Variants in PCED1B observed in about 807,000 individuals in gnomAD.
The protein encoded by PCED1B is PC-esterase domain-containing protein 1B.
For synonymous variants in PCED1B, 251 were observed against 246.1 expected (o/e 1.02, Z -0.19); for missense variants, 573 against 573.9 (o/e 1.00, Z 0.02).
At chr12:47,113,167 C>A in intron 2 of PCED1B, among the ~76,000 whole-genome samples, 1 of 152,068 alleles carries the variant, frequency 6.6e-6, no homozygotes, top group East Asian at 1.9e-4. Context: ...AGTCCCTGTT[C>A]TAAAGAAGTA....
At chr12:47,192,097 A>T (rs1942458930) in intron 2 of PCED1B, among the ~76,000 whole-genome samples, 1 of 151,114 alleles carries the variant, frequency 6.6e-6, no homozygotes, top group African/African-American at 2.4e-5. Flanking sequence ...TTGTTCTAGA[A>T]TTACTGTTTT....
intron 2 of PCED1B, among the ~76,000 whole-genome samples, chr12:47,198,157 C>T (rs1555150391): frequency 6.6e-6 from 1 of 152,086 alleles, no homozygotes; most frequent in Non-Finnish European, 1.5e-5. Context: ...AAAATATTAA[C>T]AAATGAAATC....
intron 2 of PCED1B, among the ~76,000 whole-genome samples, chr12:47,162,728 T>G (rs896489881): frequency 1.3e-5 from 2 of 152,122 alleles, no homozygotes; most frequent in African/African-American, 4.8e-5. Context: ...AAGAACGCAC[T>G]CATTACTGCA....
intron 2 of PCED1B, among the ~76,000 whole-genome samples, chr12:47,180,328 A>G (rs984370268): frequency 2.6e-5 from 4 of 152,202 alleles, no homozygotes; most frequent in East Asian, 1.9e-4. Flanking sequence ...CACACCTACA[A>G]CCATCTGATC....
chr12:47,176,532 C>T (rs1332871203), intron 2 of PCED1B, among the ~76,000 whole-genome samples: 2 of 152,226 alleles, frequency 1.3e-5, no homozygotes, highest in Admixed American at 1.3e-4. Context: ...ACGCCGCATG[C>T]CCCGTACCTT....
chr12:47,107,849 T>C (rs1343573327), intron 2 of PCED1B, among the ~76,000 whole-genome samples: 4 of 152,174 alleles, frequency 2.6e-5, no homozygotes, highest in Non-Finnish European at 5.9e-5. Flanking sequence ...AAACTTCTCT[T>C]TTACATCAGG....
chr12:47,131,093 T>C (rs1940105913), intron 2 of PCED1B, among the ~76,000 whole-genome samples: 1 of 152,192 alleles, frequency 6.6e-6, no homozygotes, highest in Non-Finnish European at 1.5e-5. Flanking sequence ...TGAATTTGAG[T>C]TACTTTTATA....
intron 2 of PCED1B, among the ~76,000 whole-genome samples, chr12:47,111,613 C>A (rs1393329706): frequency 6.6e-6 from 1 of 152,112 alleles, no homozygotes; most frequent in Admixed American, 6.6e-5. Context: ...CAACCCCTGG[C>A]AACCACATTT....
At position 47,196,361 on chromosome 12, in the gene PCED1B, T is replaced by C. The variant is rs78421681; in HGVS notation, c.-525-19861T>C. Among the ~76,000 whole-genome samples, 222 of 152,306 alleles carry C rather than the reference T, an allele frequency of 1.5e-3. 2 individuals are homozygous for C. In the East Asian group the frequency reaches 0.021, roughly 15 times the overall value. ...ATTTGTGCCTCAGTTTTCTGATCCATAAAATGGAGATAATAGTACCTAACT... is the reference window on the plus strand; with the variant it reads ...ATTTGTGCCTCAGTTTTCTGATCCACAAAATGGAGATAATAGTACCTAACT... On this transcript the variant is annotated intron_variant, in intron 2 of 3. Coordinates refer to ENST00000546455, the MANE Select transcript of PCED1B (RefSeq NM_138371.3).
chr12:47,095,527 A>G (rs1465597540), intron 1 of PCED1B, among the ~76,000 whole-genome samples: 1 of 151,932 alleles, frequency 6.6e-6, no homozygotes, highest in Non-Finnish European at 1.5e-5. Flanking sequence ...CCTTTTTGGA[A>G]CTCCAATTAT....
At chr12:47,095,374 T>G (rs60139634) in intron 1 of PCED1B, among the ~76,000 whole-genome samples, 5,288 of 152,208 alleles carry the variant, frequency 0.035, 247 homozygotes, top group African/African-American at 0.11. Context: ...TTATGATTTT[T>G]CTCTTTATCT....
chr12:47,153,312 T>G (rs575790665), intron 2 of PCED1B, among the ~76,000 whole-genome samples: 1 of 137,640 alleles, frequency 7.3e-6, no homozygotes. Flanking sequence ...ATTGCACCAC[T>G]GCACTCCAAC....
intron 2 of PCED1B, among the ~76,000 whole-genome samples, chr12:47,149,073 C>G (rs1940897144): frequency 6.6e-6 from 1 of 152,216 alleles, no homozygotes; most frequent in South Asian, 2.1e-4. Context: ...ATTAGCCTAA[C>G]AATCCCTTTG....
intron 2 of PCED1B, among the ~76,000 whole-genome samples, chr12:47,153,305 G>GC (rs1169314265): frequency 1.5e-5 from 2 of 136,734 alleles, no homozygotes; most frequent in African/African-American, 5.6e-5. Flanking sequence ...AGCAGAGATT[G>GC]CACCACTGCA....
At chr12:47,094,938 G>C (rs1488802873) in intron 1 of PCED1B, among the ~76,000 whole-genome samples, 2 of 137,836 alleles carry the variant, frequency 1.5e-5, no homozygotes, top group South Asian at 4.5e-4. Context: ...GGTGTCTCAC[G>C]TTTTGTCACA....
chr12:47,117,205 T>G (rs2137288376), intron 2 of PCED1B, among the ~76,000 whole-genome samples: 1 of 152,332 alleles, frequency 6.6e-6, no homozygotes, highest in Non-Finnish European at 1.5e-5. Context: ...TTCATTCATT[T>G]TTTTTATTAT....
intron 2 of PCED1B, among the ~76,000 whole-genome samples, chr12:47,214,990 G>A (rs1468519769): frequency 1.3e-5 from 2 of 151,992 alleles, no homozygotes; most frequent in Admixed American, 6.6e-5. Flanking sequence ...GGGTTGAAGC[G>A]ATTCTCCTGC....
rs145241408 is a variant in PCED1B at position 47,084,672 on chromosome 12, G to C, written c.-609+4947G>C. 2.0e-5 allele frequency among the ~76,000 whole-genome samples: 3 copies of C among 152,354 alleles called. No homozygotes were observed. In the East Asian group the frequency reaches 5.8e-4, roughly 29 times the overall value. ...ATCTGTTAGGATCACGCTGTTGAAA[G>C]ACCTGCATAGGTTAGCTGCACTTTA... On this transcript the variant is annotated intron_variant, in intron 1 of 3. Transcript: ENST00000546455.
chr12:47,121,947 G>A (rs1442801543), intron 2 of PCED1B, among the ~76,000 whole-genome samples: 3 of 150,014 alleles, frequency 2.0e-5, no homozygotes, highest in Non-Finnish European at 3.0e-5. Context: ...CAGGAGAATC[G>A]CTTAAACCTA....
Sources: allele counts gnomAD v4.1 joint callset (sites outside exome capture counted in the v4.1 genomes callset), GRCh38; gene constraint gnomAD v4.1.1; transcripts MANE v1.5; gene names NCBI Gene and HGNC (gene_info 2026-07-23, HGNC 2026-07-21).